Variants in PLCE1 observed in about 807,000 individuals in gnomAD.
The protein encoded by PLCE1 is 1-phosphatidylinositol 4,5-bisphosphate phosphodiesterase epsilon-1.
In PLCE1, 119 loss-of-function variants were observed where a neutral mutation model predicts 242.8. That is an observed-to-expected ratio of 0.49 (90% CI 0.42 to 0.57). The LOEUF (loss-of-function observed/expected upper bound fraction) is 0.57. Among genes scored for constraint, PLCE1 ranks in the 20% least tolerant of loss-of-function variants. The probability of loss-of-function intolerance (pLI) is 0.00; values close to 1 mark genes in which losing one functional copy is unlikely to be tolerated. For synonymous variants in PLCE1, 945 were observed against 1,017.4 expected, an observed-to-expected ratio of 0.93 and a Z score of 1.35; for missense variants, 2,441 against 2,788.8, an observed-to-expected ratio of 0.88 and a Z score of 2.81.
At position 94,225,660 on chromosome 10, in the gene PLCE1, C is replaced by G. The variant is rs535901311; in HGVS notation, c.1810-1646C>G. The stretch of plus-strand genomic sequence containing the variant: ...AGGAAGAAAGAAAGAAAGAAACTGT[C>G]AACTTTCACCAGATGAAAGAGCACT... On this transcript the variant is annotated intron_variant, in intron 4 of 32. Transcript: ENST00000371380. Among the ~76,000 whole-genome samples the G allele has an allele frequency of 3.3e-5, 5 of 152,296 alleles. No homozygotes were observed. The South Asian group carries it at 1.0e-3, about 32-fold the overall frequency.
At chr10:94,029,812 C>A (rs1589880384) in intron 1 of PLCE1, among the ~76,000 whole-genome samples, 1 of 152,188 alleles carries the variant, frequency 6.6e-6, no homozygotes, top group African/African-American at 2.4e-5. Context: ...CTGGTGTTGG[C>A]AGCAGAGCGT....
At chr10:94,321,799 T>G in intron 29 of PLCE1, 102 bp from the exon 30 acceptor site, 1 of 824,174 alleles carries the variant, frequency 1.2e-6, no homozygotes, top group Non-Finnish European at 2.0e-6. Context: ...AGCTAAGAAG[T>G]TTCTACATCA....
At chr10:94,189,391 A>T (rs1012785739) in intron 4 of PLCE1, among the ~76,000 whole-genome samples, 1 of 151,854 alleles carries the variant, frequency 6.6e-6, no homozygotes, top group Admixed American at 6.6e-5. Flanking sequence ...GGCAGTTGAC[A>T]TACATTCTAG....
chr10:94,000,337 C>T (rs1249914250), intron 1 of PLCE1, among the ~76,000 whole-genome samples: 3 of 146,298 alleles, frequency 2.1e-5, no homozygotes, highest in African/African-American at 8.3e-5. Context: ...TACTACTTAT[C>T]ATCTGCATGG....
At chr10:94,038,700 A>AT (rs967011841) in intron 2 of PLCE1, among the ~76,000 whole-genome samples, 1 of 151,992 alleles carries the variant, frequency 6.6e-6, no homozygotes, top group African/African-American at 2.4e-5. Flanking sequence ...GTGTCTTCTT[A>AT]TTTTTTTTAA....
At chr10:94,086,459 T>G (rs1280155419) in intron 2 of PLCE1, among the ~76,000 whole-genome samples, 1 of 152,186 alleles carries the variant, frequency 6.6e-6, no homozygotes, top group African/African-American at 2.4e-5. Context: ...TTTGGATAAT[T>G]TTGAAGCAAT....
intron 2 of PLCE1, among the ~76,000 whole-genome samples, chr10:94,056,984 C>A (rs1352908965): frequency 1.3e-5 from 2 of 152,142 alleles, no homozygotes; most frequent in African/African-American, 2.4e-5. Flanking sequence ...GTTAGTACTT[C>A]ACTACTTTTT....
chr10:94,281,873 A>G (rs2052241094), intron 20 of PLCE1, among the ~76,000 whole-genome samples: 1 of 151,970 alleles, frequency 6.6e-6, no homozygotes, highest in Admixed American at 6.6e-5. Context: ...TAGATGCCTT[A>G]CTAACCACAT....
At chr10:94,256,449 T>C (rs1172799680) in intron 11 of PLCE1, among the ~76,000 whole-genome samples, 1 of 152,108 alleles carries the variant, frequency 6.6e-6, no homozygotes, top group Non-Finnish European at 1.5e-5. Context: ...AATGAACTTA[T>C]AATTTATGCT....
chr10:94,214,794 G>A (rs1250746905), intron 4 of PLCE1, among the ~76,000 whole-genome samples: 5 of 152,164 alleles, frequency 3.3e-5, no homozygotes, highest in Non-Finnish European at 5.9e-5. Context: ...ACACCTGCCC[G>A]AGGACCAAGA....
chr10:94,038,128 G>C (rs150355048), intron 2 of PLCE1, among the ~76,000 whole-genome samples: 1 of 152,114 alleles, frequency 6.6e-6, no homozygotes, highest in African/African-American at 2.4e-5. Flanking sequence ...CCCTTTGAAT[G>C]ACCTCTGAAA....
At chr10:94,007,084 G>A (rs1335456329) in intron 1 of PLCE1, among the ~76,000 whole-genome samples, 2 of 151,248 alleles carry the variant, frequency 1.3e-5, no homozygotes, top group Non-Finnish European at 3.0e-5. Context: ...GGATGATTAG[G>A]AAGTTTCCTT....
chr10:94,029,599 C>G (rs951638640), intron 1 of PLCE1, among the ~76,000 whole-genome samples: 1 of 152,052 alleles, frequency 6.6e-6, no homozygotes, highest in Non-Finnish European at 1.5e-5. Context: ...AATATGATTT[C>G]TAGGGTTTCC....
chr10:94,101,252 C>T (rs2135490461), intron 2 of PLCE1, among the ~76,000 whole-genome samples: 1 of 152,250 alleles, frequency 6.6e-6, no homozygotes, highest in African/African-American at 2.4e-5. Flanking sequence ...TCGGTGTTCT[C>T]ATGAATGAAA....
intron 26 of PLCE1, 115 bp from the exon 27 acceptor site, chr10:94,308,466 G>A: frequency 1.3e-6 from 1 of 798,966 alleles, no homozygotes; most frequent in Non-Finnish European, 2.2e-6. Context: ...TTGCATGCCT[G>A]TTGCCATCCC....
chr10:94,235,860 T>TG, intron 6 of PLCE1, 55 bp from the exon 7 acceptor site: 1 of 1,525,514 alleles, frequency 6.6e-7, no homozygotes, highest in Non-Finnish European at 9.1e-7. Flanking sequence ...CCTAGCCAAG[T>TG]ATGTTATCCA....
chr10:94,007,672 CT>C (rs368149327), intron 1 of PLCE1, among the ~76,000 whole-genome samples: 128 of 136,736 alleles, frequency 9.4e-4, no homozygotes, highest in South Asian at 1.9e-3. Context: ...TAAAAGCCCC[CT>C]GTTAGTCCCC....
intron 22 of PLCE1, among the ~76,000 whole-genome samples, chr10:94,291,600 C>T (rs1243762966): frequency 6.6e-6 from 1 of 151,980 alleles, no homozygotes; most frequent in Admixed American, 6.6e-5. Flanking sequence ...GTGTAACAGT[C>T]CTAACTTAAA....
chr10:94,004,297 T>C (rs1370239988), intron 1 of PLCE1, among the ~76,000 whole-genome samples: 2 of 152,128 alleles, frequency 1.3e-5, no homozygotes, highest in East Asian at 3.9e-4. Flanking sequence ...AGTAAAACAT[T>C]AAATAGCAGA....
Sources: allele counts gnomAD v4.1 joint callset (sites outside exome capture counted in the v4.1 genomes callset), GRCh38; gene constraint gnomAD v4.1.1; transcripts MANE v1.5; gene names NCBI Gene and HGNC (gene_info 2026-07-23, HGNC 2026-07-21).